The following LYRM4 variants were observed in gnomAD, a reference collection of about 807,000 sequenced individuals.
The protein encoded by LYRM4 is LYR motif containing 4, also known as LYR motif-containing protein 4.
A neutral mutation model predicts 11.7 loss-of-function variants in LYRM4; 9 were observed. That is an observed-to-expected ratio of 0.77 (90% CI 0.46 to 1.34). The LOEUF is 1.34. LYRM4 is among the 40% of genes most tolerant of loss of function. The pLI, the probability that LYRM4 is intolerant of heterozygous loss-of-function variation, is 0.00. For missense variants in LYRM4, 133 were observed against 112.5 expected (o/e 1.18, Z -0.82); for synonymous variants, 42 against 40.4 (o/e 1.04, Z -0.15).
At chr6:5,174,007 G>C (rs1759577492) in intron 2 of LYRM4, among the ~76,000 whole-genome samples, 1 of 152,176 alleles carries the variant, frequency 6.6e-6, no homozygotes, top group African/African-American at 2.4e-5. Flanking sequence ...CAGGTCCAAG[G>C]AGGAAGCTTC....
chr6:5,085,781 T>TGCA, the LYRM4 span: 225 of 1,532,846 alleles, frequency 1.5e-4, 3 homozygotes, highest in East Asian at 4.3e-3. Flanking sequence ...GCCAAGTTCC[T>TGCA]GCAGCAGCAG....
At chr6:5,185,488 A>G (rs1160421074) in intron 2 of LYRM4, among the ~76,000 whole-genome samples, 1 of 152,206 alleles carries the variant, frequency 6.6e-6, no homozygotes, top group Non-Finnish European at 1.5e-5. Context: ...ATACAAACAC[A>G]CACCTACTTC....
At chr6:5,125,367 T>G (rs1299032501) in intron 2 of LYRM4, among the ~76,000 whole-genome samples, 1 of 152,210 alleles carries the variant, frequency 6.6e-6, no homozygotes, top group Non-Finnish European at 1.5e-5. Flanking sequence ...ACATGGAACC[T>G]TTGGTCTAGG....
chr6:5,210,435 G>T (rs1418856587), intron 2 of LYRM4, among the ~76,000 whole-genome samples: 1 of 151,348 alleles, frequency 6.6e-6, no homozygotes, highest in Non-Finnish European at 1.5e-5. Flanking sequence ...AGCATCTGAA[G>T]AATTTAATTT....
chr6:5,091,729 G>C, the LYRM4 span, among the ~76,000 whole-genome samples: 1 of 152,206 alleles, frequency 6.6e-6, no homozygotes, highest in Non-Finnish European at 1.5e-5. Flanking sequence ...AAATAGGTGA[G>C]ATCAATGGAG....
intron 1 of LYRM4, among the ~76,000 whole-genome samples, chr6:5,252,038 AGTT>A (rs1399861211): frequency 6.6e-6 from 1 of 152,216 alleles, no homozygotes; most frequent in African/African-American, 2.4e-5. Context: ...TGTTTCATTC[AGTT>A]GTGTAGTACA....
chr6:5,234,911 T>C (rs1763450159), intron 1 of LYRM4, among the ~76,000 whole-genome samples: 1 of 152,162 alleles, frequency 6.6e-6, no homozygotes, highest in Non-Finnish European at 1.5e-5. Flanking sequence ...GCCAAACTCC[T>C]GTCCCCCTAC....
the LYRM4 span, among the ~76,000 whole-genome samples, chr6:5,053,310 T>C: frequency 6.6e-6 from 1 of 152,142 alleles, no homozygotes; most frequent in African/African-American, 2.4e-5. Context: ...CCACTAACAG[T>C]TCCACAGAGC....
At chr6:5,096,993 C>G in the LYRM4 span, among the ~76,000 whole-genome samples, 2 of 152,298 alleles carry the variant, frequency 1.3e-5, no homozygotes, top group Non-Finnish European at 2.9e-5. Flanking sequence ...TGCTTCTTGT[C>G]CACATGGTGG....
At chr6:5,166,060 T>C (rs1215043951) in intron 2 of LYRM4, among the ~76,000 whole-genome samples, 2 of 152,216 alleles carry the variant, frequency 1.3e-5, no homozygotes, top group African/African-American at 4.8e-5. Flanking sequence ...TTATAACACA[T>C]ATTTCAATAA....
At chr6:5,201,879 T>G (rs191963610) in intron 2 of LYRM4, among the ~76,000 whole-genome samples, 7 of 152,332 alleles carry the variant, frequency 4.6e-5, no homozygotes, top group Admixed American at 3.3e-4. Context: ...TCAGCTCAAA[T>G]CCTGGCATCA....
At chr6:5,168,480 G>C (rs956670910) in intron 2 of LYRM4, among the ~76,000 whole-genome samples, 1 of 152,110 alleles carries the variant, frequency 6.6e-6, no homozygotes, top group African/African-American at 2.4e-5. Context: ...CAAGCATGAC[G>C]ACAATGAGAC....
At chr6:5,214,898 C>T (rs1403785929) in intron 2 of LYRM4, among the ~76,000 whole-genome samples, 1 of 151,570 alleles carries the variant, frequency 6.6e-6, no homozygotes, top group Non-Finnish European at 1.5e-5. Flanking sequence ...TCTGCAAGGT[C>T]GCCGTGTGTA....
chr6:5,060,298 GTTGA>G, the LYRM4 span, among the ~76,000 whole-genome samples: 1,171 of 152,254 alleles, frequency 7.7e-3, 16 homozygotes, highest in African/African-American at 0.027. Context: ...ATCTCTGTGT[GTTGA>G]TTGTCTTTTG....
chr6:5,119,758 T>C (rs547451359), intron 2 of LYRM4, among the ~76,000 whole-genome samples: 2 of 118,780 alleles, frequency 1.7e-5, no homozygotes, highest in South Asian at 2.7e-4. Context: ...AATTGCACTA[T>C]AGCCTGGGTG....
intron 1 of LYRM4, 84 bp downstream of exon 1, chr6:5,260,564 C>T: frequency 6.6e-7 from 1 of 1,506,798 alleles, no homozygotes; most frequent in East Asian, 2.5e-5. Flanking sequence ...GCTCCCAGTC[C>T]CCGGGGATAT....
the LYRM4 span, among the ~76,000 whole-genome samples, chr6:5,083,705 C>T: frequency 1.9e-4 from 29 of 152,306 alleles, no homozygotes; most frequent in South Asian, 6.0e-3. Flanking sequence ...GCTCTTAACA[C>T]GCTCCTCACC....
At chr6:5,053,734 T>C in the LYRM4 span, among the ~76,000 whole-genome samples, 1 of 152,214 alleles carries the variant, frequency 6.6e-6, no homozygotes, top group Admixed American at 6.5e-5. Flanking sequence ...CCAAGTTAAC[T>C]GTACAGACAA....
chr6:5,239,139 T>C (rs1477085949), intron 1 of LYRM4, among the ~76,000 whole-genome samples: 1 of 152,024 alleles, frequency 6.6e-6, no homozygotes. Context: ...AGACAGAAAC[T>C]GATGAACCAA....
Sources: allele counts gnomAD v4.1 joint callset (sites outside exome capture counted in the v4.1 genomes callset), GRCh38; gene constraint gnomAD v4.1.1; transcripts MANE v1.5; gene names NCBI Gene and HGNC (gene_info 2026-07-23, HGNC 2026-07-21).